The following ZNF202 variants were observed in gnomAD, a reference collection of about 807,000 sequenced individuals.
ZNF202 encodes the protein zinc finger protein 202, also known as zinc finger protein with KRAB and SCAN domains 10.
In ZNF202, 22 loss-of-function variants were observed where a neutral mutation model predicts 54.5. The observed-to-expected ratio is 0.40, with a 90% CI of 0.29 to 0.58. ZNF202 has a LOEUF of 0.58. Ranked by LOEUF, ZNF202 falls within the 20% of genes least tolerant of loss-of-function variation. ZNF202 has a pLI of 0.39. For synonymous variants in ZNF202, 294 were observed against 301.4 expected (o/e 0.98, Z 0.26); for missense variants, 644 against 805.5 (o/e 0.80, Z 2.43).
Position 123,725,750 on chromosome 11 carries a change from GCACT to G in ZNF202, c.*243_*246del. The G allele has an allele frequency of 4.0e-6, 2 of 496,440 alleles. No individual in the cohort carries two copies. Among genetic ancestry groups the G allele is most frequent in the Non-Finnish European group, 7.1e-6 (2 of 280,800 alleles). 30.8% of individuals were successfully genotyped at this position (496,440 alleles called of 1,614,324 possible). ...TTATACCCATGAGGTAGAGGCAGGTGCACTCCAGTGAAGGAGAAGCCTCAATTCA... is the reference window on the plus strand; with the variant it reads ...TTATACCCATGAGGTAGAGGCAGGTGCCAGTGAAGGAGAAGCCTCAATTCA... On this transcript the variant is annotated 3_prime_UTR_variant, in exon 9 of 9. Coordinates refer to ENST00000530393, the MANE Select transcript of ZNF202 (RefSeq NM_003455.4).
chr11:123,724,179 G>GT lies in ZNF202; in HGVS notation c.*1817dup, dbSNP rs987713069. On this transcript the variant is annotated 3_prime_UTR_variant, in exon 9 of 9. Transcript: ENST00000530393. ...TTGGATCTTATCTCAGAGTGCATAT[G>GT]TTTCACCGGACTCTGCTAATCATCC... is the stretch of plus-strand genomic sequence containing the variant. 5.3e-5 allele frequency: 8 copies of GT among 152,138 alleles called. No homozygotes were observed. The highest frequency in any genetic ancestry group is 1.9e-4 in the African/African-American group (8 of 41,416). 9.4% of individuals were successfully genotyped at this position (152,138 alleles called of 1,614,324 possible). A position where few individuals can be genotyped will look rare whatever the true frequency, so the allele number is the denominator to read the frequency against.
At chr11:123,731,921 A>T (rs1861423127) in intron 3 of ZNF202, among the ~76,000 whole-genome samples, 1 of 152,146 alleles carries the variant, frequency 6.6e-6, no homozygotes, top group Admixed American at 6.5e-5. Flanking sequence ...TCAGCCCCCA[A>T]TCTATTTTTC....
At chr11:123,733,786 C>G (rs184622232) in intron 3 of ZNF202, among the ~76,000 whole-genome samples, 1 of 152,140 alleles carries the variant, frequency 6.6e-6, no homozygotes, top group East Asian at 1.9e-4. Flanking sequence ...TTATTTAGAT[C>G]GATGCCTTCA....
chr11:123,731,294 C>T (rs1489010845), intron 3 of ZNF202, among the ~76,000 whole-genome samples: 5 of 152,204 alleles, frequency 3.3e-5, no homozygotes, highest in Non-Finnish European at 5.9e-5. Flanking sequence ...TTCCTTCCTA[C>T]AGACTGCTTT....
rs1236105658 is a variant in ZNF202 at position 123,730,302 on chromosome 11, AATATCCAGAAAGTCACATTC to A, written c.402+165_402+184del. ...CAGATGGTCCCTATACAGGTGTTCC[AATATCCAGAAAGTCACATTC>A]ATACACACACATCCCCCTAATCCAT... On this transcript the variant is annotated intron_variant, in intron 4 of 8. Coordinates refer to ENST00000530393, the MANE Select transcript of ZNF202 (RefSeq NM_003455.4). This position sits in a 1 kb window ranked among gnomAD's most constrained non-coding sequence, Gnocchi z 6.0. Among the ~76,000 whole-genome samples, 1 of 152,162 alleles carries A rather than the reference AATATCCAGAAAGTCACATTC, an allele frequency of 6.6e-6. No homozygotes were observed. The highest frequency in any genetic ancestry group is 1.5e-5 in the Non-Finnish European group (1 of 68,016).
In ZNF202 at chr11:123,727,528, G is replaced by C. The variant is rs1412780826; in HGVS notation, c.900C>G (p.Ile300Met). The change falls in exon 8 of 9, where the codon ATC becomes ATG. Residue 300 changes from isoleucine (I) to methionine (M), a missense_variant. By Grantham distance (10) the Ile-to-Met change is conservative. Coordinates refer to ENST00000530393, the MANE Select transcript of ZNF202 (RefSeq NM_003455.4). ...GCTCTTGAGTCTCCTGAGGCTCTTG[G>C]ATATCTGGGACCCAAGGCTCTTCCT... is the stretch of plus-strand genomic sequence containing the variant. Reference protein sequence around the residue: ...VREEEPWVPDIQEPQETQEPE... With the variant: ...VREEEPWVPDMQEPQETQEPE... 2 of 1,614,018 alleles carry C rather than the reference G, an allele frequency of 1.2e-6. No homozygotes were observed. The highest frequency in any genetic ancestry group is 1.3e-5 in the African/African-American group (1 of 74,914).
rs950054668 is a variant in ZNF202 at position 123,737,390 on chromosome 11, T to TC, written c.-98+2726dup. On this transcript the variant is annotated intron_variant, in intron 3 of 8. Transcript: ENST00000530393. ...GTAAAATATTTTTGCCACCTAAGTT[T>TC]CCCCCCCGCCCCTTCATAAAAGTGA... Among the ~76,000 whole-genome samples, 20 of 151,888 alleles carry TC rather than the reference T, an allele frequency of 1.3e-4. 1 individual carries two copies. Among genetic ancestry groups the TC allele is most frequent in the African/African-American group, 3.4e-4 (14 of 41,404 alleles).
chr11:123,727,286 G>C (rs569377156), intron 8 of ZNF202, among the ~76,000 whole-genome samples, 190 bp downstream of exon 8: 1 of 152,264 alleles, frequency 6.6e-6, no homozygotes, highest in East Asian at 1.9e-4. Flanking sequence ...GTATTACATT[G>C]CTATCAGACA....
chr11:123,741,106 A>G (rs1010468465), intron 1 of ZNF202, among the ~76,000 whole-genome samples: 40 of 152,126 alleles, frequency 2.6e-4, no homozygotes, highest in African/African-American at 9.4e-4. Context: ...CGGGGCAAGG[A>G]GCCCGCGGAG....
Position 123,725,831 on chromosome 11 carries a change from G to A in ZNF202, c.*166C>T, listed in dbSNP as rs1162101107. Reference sequence around the variant, plus strand: ...TCAAGGCGTAGAGGAAGGCTGAGAGGTTCTGCCCAGGCTCGTGTTTAGTTG... The same window carrying A: ...TCAAGGCGTAGAGGAAGGCTGAGAGATTCTGCCCAGGCTCGTGTTTAGTTG... On this transcript the variant is annotated 3_prime_UTR_variant, in exon 9 of 9. Transcript: ENST00000530393. 4 of 779,466 alleles carry A rather than the reference G, an allele frequency of 5.1e-6. No homozygotes were observed. Among genetic ancestry groups the A allele is most frequent in the African/African-American group, 1.8e-5 (1 of 57,002 alleles). The allele number at this position is 779,466 out of a possible 1,614,324, so 48.3% of individuals were successfully genotyped here.
rs1861138226 is a variant in ZNF202 at position 123,726,370 on chromosome 11, G to C, written c.1574C>G (p.Thr525Arg). The C allele has an allele frequency of 1.2e-6, 2 of 1,614,104 alleles. No homozygotes were observed. Among genetic ancestry groups the C allele is most frequent in the African/African-American group, 2.7e-5 (2 of 74,940 alleles). Residue 525 changes from threonine (T) to arginine (R), a missense_variant, in exon 9 of 9, where the codon ACA becomes AGA. Physicochemically the swap from Thr to Arg is moderately conservative, Grantham distance 71. Around this residue, in one of 3 missense-constraint regions of ZNF202, gnomAD observed 536 missense variants for 635.3 expected, o/e 0.84. Transcript: ENST00000530393. This position sits in a 1 kb window ranked among gnomAD's most constrained non-coding sequence, Gnocchi z 6.0. ...TCCCAGGTGGATTCTTTGGTGTGTTGTTAACACAGATTTCTGGCTGAAGCT... is the reference window on the plus strand; with the variant it reads ...TCCCAGGTGGATTCTTTGGTGTGTTCTTAACACAGATTTCTGGCTGAAGCT... ...GKSFSQKSVLTTHQRIHLGGK... is the reference protein window; with the variant it reads ...GKSFSQKSVLRTHQRIHLGGK...
At position 123,726,594 on chromosome 11, in the gene ZNF202, G is replaced by A. The variant is rs372641382; in HGVS notation, c.1350C>T (p.Asn450=). 403 of 1,614,170 alleles carry A rather than the reference G, an allele frequency of 2.5e-4. 6 individuals carry two copies. The South Asian group carries it at 4.0e-3, about 16-fold the overall frequency. Residue 450 remains asparagine, a synonymous_variant, in exon 9 of 9, where the codon AAC becomes AAT. Coordinates refer to ENST00000530393, the MANE Select transcript of ZNF202 (RefSeq NM_003455.4). This position sits in a 1 kb window ranked among gnomAD's most constrained non-coding sequence, Gnocchi z 6.0. ...LARHQKVHKM[N]APYKYPLNRK... ...GGTTTAGGGGATATTTGTAAGGCGC[G>A]TTCATCTTGTGAACCTTTTGGTGCC...
At chr11:123,737,713 C>T (rs1861689936) in intron 3 of ZNF202, among the ~76,000 whole-genome samples, 1 of 152,092 alleles carries the variant, frequency 6.6e-6, no homozygotes, top group African/African-American at 2.4e-5. Flanking sequence ...TTATATATGG[C>T]AGGCCTAGGA....
At chr11:123,728,821 A>T (rs1861272038) in intron 6 of ZNF202, among the ~76,000 whole-genome samples, 1 of 103,600 alleles carries the variant, frequency 9.7e-6, no homozygotes, top group Non-Finnish European at 2.1e-5. Context: ...TTATTCCTTT[A>T]AAAAAAAAAA....
rs1359895932 is a variant in ZNF202 at position 123,727,566 on chromosome 11, AGATCTCATCAGGTCTGGG to A, written c.844_861del (p.Pro282_Ile287del). On this transcript the variant is annotated inframe_deletion, in exon 8 of 9. Coordinates refer to ENST00000530393, the MANE Select transcript of ZNF202 (RefSeq NM_003455.4). ...CAAGGCTCTTCCTCTCTAACCTGGG[AGATCTCATCAGGTCTGGG>A]GATTGGAAATGCTGCTCAAGAGAGG... 1.2e-6 allele frequency: 2 copies of A among 1,613,970 alleles called. No homozygotes were observed. Among genetic ancestry groups the A allele is most frequent in the Non-Finnish European group, 1.7e-6 (2 of 1,179,990 alleles).
rs368683829 is a variant in ZNF202, at chr11:123,726,368, T to C, written c.1576A>G (p.Thr526Ala). ...KSFSQKSVLT[T>A]HQRIHLGGKP... ...CCTCCCAGGTGGATTCTTTGGTGTG[T>C]TGTTAACACAGATTTCTGGCTGAAG... Residue 526 changes from threonine (T) to alanine (A), a missense_variant, in exon 9 of 9, where the codon ACA (threonine) becomes GCA (alanine). This residue lies in a region of ZNF202 where 536 missense variants were observed against 635.3 expected (regional missense o/e 0.84). Transcript: ENST00000530393. The surrounding 1 kb of genome is among the most constrained non-coding windows in gnomAD (Gnocchi z 6.0). The C allele has an allele frequency of 1.1e-5, 18 of 1,614,124 alleles. No individual in the cohort carries two copies. The highest frequency in any genetic ancestry group is 1.3e-5 in the African/African-American group (1 of 74,946).
intron 3 of ZNF202, among the ~76,000 whole-genome samples, chr11:123,734,390 G>C (rs1460840647): frequency 6.6e-6 from 1 of 152,096 alleles, no homozygotes; most frequent in Non-Finnish European, 1.5e-5. Context: ...TTCCATGACT[G>C]CCACTCCCAT....
intron 8 of ZNF202, 103 bp from the exon 9 acceptor site, chr11:123,727,094 A>T: frequency 7.1e-7 from 1 of 1,416,584 alleles, no homozygotes; most frequent in Non-Finnish European, 9.5e-7. Context: ...GCAAGACTAA[A>T]TAGAATGCCT....
intron 3 of ZNF202, among the ~76,000 whole-genome samples, chr11:123,734,181 GACAGGAACAGGATTTAATA>G (rs1861536741): frequency 6.6e-6 from 1 of 152,068 alleles, no homozygotes; most frequent in Non-Finnish European, 1.5e-5. Flanking sequence ...TCCTGTTCCT[GACAGGAACAGGATTTAATA>G]ATGGGCAGGA....
Sources: allele counts gnomAD v4.1 joint callset (sites outside exome capture counted in the v4.1 genomes callset), GRCh38; gene constraint gnomAD v4.1.1; regional missense constraint gnomAD v4.1.1; non-coding constraint Gnocchi (gnomAD v3.1); transcripts MANE v1.5; gene names NCBI Gene and HGNC (gene_info 2026-07-23, HGNC 2026-07-21).